Variants in KALRN observed in about 807,000 individuals in gnomAD.
KALRN encodes the protein kalirin.
KALRN carries 70 observed loss-of-function variants against 353.7 expected under a neutral mutation model. The ratio of observed to expected loss-of-function variants is 0.20; its 90% CI spans 0.16 to 0.24. KALRN has a LOEUF of 0.24. Ranked by LOEUF, KALRN falls within the 10% of genes least tolerant of loss-of-function variation. KALRN has a pLI of 1.00. For missense variants in KALRN, 2,791 were observed against 3,756.7 expected, an observed-to-expected ratio of 0.74 and a Z score of 6.72; for synonymous variants, 1,391 against 1,434.8, an observed-to-expected ratio of 0.97 and a Z score of 0.69.
Position 124,719,298 on chromosome 3 carries a change from C to A in KALRN, c.8789C>A (p.Ala2930Asp). ...QEDFRRRPTAATCLQHPWLQP... is the reference protein window; with the variant it reads ...QEDFRRRPTADTCLQHPWLQP... ...GATTTTCGGAGGCGGCCCACAGCAG[C>A]CACATGCTTGCAGCATCCATGGCTG... The change falls in exon 60 of 60, where the codon GCC becomes GAC. Residue 2930 changes from alanine to aspartate, a missense_variant. By Grantham distance (126) the Ala-to-Asp change is moderately radical. Transcript: ENST00000682506. This position sits in a 1 kb window ranked among gnomAD's most constrained non-coding sequence, Gnocchi z 5.3. 1.2e-6 allele frequency: 2 copies of A among 1,614,222 alleles called. No individual in the cohort carries two copies. The highest frequency in any genetic ancestry group is 1.7e-6 in the Non-Finnish European group (2 of 1,180,032).
intron 34 of KALRN, among the ~76,000 whole-genome samples, chr3:124,573,474 G>A (rs1489978323): frequency 2.0e-5 from 3 of 151,994 alleles, no homozygotes; most frequent in Non-Finnish European, 4.4e-5. Context: ...AAGGGGTCAG[G>A]GTTCTCTTTC....
At chr3:124,562,748 A>G (rs2072220705) in intron 33 of KALRN, 95 bp from the exon 34 acceptor site, 2 of 1,130,972 alleles carry the variant, frequency 1.8e-6, no homozygotes, top group Admixed American at 5.6e-5. Context: ...CTGCTCTCAC[A>G]CATCCTTCGT....
intron 1 of KALRN, among the ~76,000 whole-genome samples, chr3:124,133,231 GC>G (rs932095042): frequency 2.4e-4 from 36 of 152,288 alleles, no homozygotes; most frequent in African/African-American, 8.7e-4. Context: ...TTTGGAAACA[GC>G]CCAACTCCAT....
At chr3:124,308,582 CA>C (rs987649649) in intron 6 of KALRN, among the ~76,000 whole-genome samples, 5 of 151,452 alleles carry the variant, frequency 3.3e-5, no homozygotes, top group African/African-American at 1.2e-4. Flanking sequence ...AGCTAAGAGA[CA>C]AAATAAAAAG....
intron 6 of KALRN, among the ~76,000 whole-genome samples, chr3:124,323,339 AT>A (rs1304819902): frequency 2.0e-5 from 3 of 152,088 alleles, no homozygotes; most frequent in Non-Finnish European, 1.5e-5. Context: ...CACTTGCTTC[AT>A]TTTGCCTTAA....
chr3:124,219,995 A>G (rs1203022321), intron 1 of KALRN, among the ~76,000 whole-genome samples: 2 of 150,798 alleles, frequency 1.3e-5, no homozygotes, highest in Admixed American at 6.6e-5. Context: ...CCCAGGCCGG[A>G]GTGCAGTGGC....
chr3:124,153,688 G>A (rs1479342830), intron 1 of KALRN, among the ~76,000 whole-genome samples: 21 of 151,460 alleles, frequency 1.4e-4, no homozygotes, highest in Non-Finnish European at 2.5e-4. Context: ...CTGAGGAATC[G>A]CCACACTGAC....
intron 6 of KALRN, among the ~76,000 whole-genome samples, chr3:124,303,549 G>T (rs1304159935): frequency 1.3e-5 from 2 of 152,184 alleles, no homozygotes; most frequent in Non-Finnish European, 2.9e-5. Context: ...AACCATCTAT[G>T]TTCTGGTTCT....
At chr3:124,605,286 A>G (rs556250447) in intron 34 of KALRN, among the ~76,000 whole-genome samples, 5 of 150,076 alleles carry the variant, frequency 3.3e-5, no homozygotes, top group African/African-American at 1.2e-4. Context: ...TAATAGGTGC[A>G]TTGGCTGGAT....
chr3:124,204,589 G>C (rs1447355502), intron 1 of KALRN, among the ~76,000 whole-genome samples: 1 of 55,574 alleles, frequency 1.8e-5, no homozygotes, highest in African/African-American at 4.1e-5. Context: ...TAAATGTTGT[G>C]TAGATCAAAG....
intron 34 of KALRN, among the ~76,000 whole-genome samples, chr3:124,580,812 G>C (rs1027402647): frequency 2.0e-5 from 3 of 152,058 alleles, no homozygotes; most frequent in African/African-American, 4.8e-5. Flanking sequence ...CATGTTGTTT[G>C]AGATTTCCTT....
intron 34 of KALRN, among the ~76,000 whole-genome samples, chr3:124,570,926 C>G (rs2073445356): frequency 6.6e-6 from 1 of 152,178 alleles, no homozygotes. Context: ...AAGTGGTCAG[C>G]TAAGCATTAC....
intron 1 of KALRN, among the ~76,000 whole-genome samples, chr3:124,053,189 C>T (rs568493764): frequency 6.6e-6 from 1 of 152,196 alleles, no homozygotes; most frequent in African/African-American, 2.4e-5. Flanking sequence ...GGCATATGCC[C>T]ACCTCTGGAT....
At chr3:124,698,867 G>A (rs1244342684) in intron 55 of KALRN, among the ~76,000 whole-genome samples, 1 of 152,172 alleles carries the variant, frequency 6.6e-6, no homozygotes, top group East Asian at 1.9e-4. Flanking sequence ...AAACAACTGA[G>A]ACTTCCATCT....
At chr3:124,714,920 GC>G (rs1231808856) in intron 58 of KALRN, among the ~76,000 whole-genome samples, 1 of 151,688 alleles carries the variant, frequency 6.6e-6, no homozygotes, top group Non-Finnish European at 1.5e-5. Flanking sequence ...GGAGGCTGAG[GC>G]AGGAGAATTG....
intron 5 of KALRN, among the ~76,000 whole-genome samples, chr3:124,294,857 C>T (rs369819098): frequency 6.6e-6 from 1 of 152,078 alleles, no homozygotes; most frequent in Non-Finnish European, 1.5e-5. Flanking sequence ...CCAAATTGTG[C>T]GTATTATAAA....
rs769593545 is a variant in KALRN at position 124,407,316 on chromosome 3, T to TTA, written c.2347-6138_2347-6137dup. On this transcript the variant is annotated intron_variant, in intron 13 of 59. Transcript: ENST00000682506. The stretch of plus-strand genomic sequence containing the variant: ...ATTATTATTCATAATATGTTTTCTT[T>TTA]TATATATATATATATATTTGCTTCC... Among the ~76,000 whole-genome samples, 248 of 151,016 alleles carry TTA rather than the reference T, an allele frequency of 1.6e-3. 4 individuals carry two copies. In the East Asian group the frequency reaches 0.031, roughly 19 times the overall value.
chr3:124,034,526 C>G (rs1269938911), intron 1 of KALRN, among the ~76,000 whole-genome samples: 5 of 152,072 alleles, frequency 3.3e-5, no homozygotes, highest in Admixed American at 1.3e-4. Flanking sequence ...CCCACTAAGT[C>G]TCTGCTTGCT....
chr3:124,287,292 C>G (rs969627855), intron 5 of KALRN, among the ~76,000 whole-genome samples: 1 of 152,084 alleles, frequency 6.6e-6, no homozygotes, highest in African/African-American at 2.4e-5. Context: ...GGAGTCTTGT[C>G]CTGCATATGC....
Sources: gnomAD v4.1 joint callset for allele counts (sites outside exome capture counted in the v4.1 genomes callset) on GRCh38, gnomAD v4.1.1 for gene constraint, Gnocchi (gnomAD v3.1) non-coding constraint, MANE v1.5 for transcripts, NCBI Gene and HGNC (gene_info 2026-07-23, HGNC 2026-07-21) for gene names.